Variants in DHX15 observed in about 807,000 individuals in gnomAD.
The protein encoded by DHX15 is DEAH-box helicase 15, also known as ATP-dependent RNA helicase DHX15.
In DHX15, 11 loss-of-function variants were observed where a neutral mutation model predicts 94.4. That is an observed-to-expected ratio of 0.12 (90% CI 0.07 to 0.19). The LOEUF is 0.19. Among genes scored for constraint, DHX15 ranks in the 10% least tolerant of loss-of-function variants. DHX15 has a pLI of 1.00. For missense variants in DHX15, 304 were observed against 988.5 expected, an observed-to-expected ratio of 0.31 and a Z score of 9.29; for synonymous variants, 338 against 329.9, an observed-to-expected ratio of 1.02 and a Z score of -0.27.
chr4:24,537,067 G>A lies in DHX15; in HGVS notation c.1893C>T (p.Tyr631=). Reference sequence around the variant, plus strand: ...TACACTTACTTTGTTTAAAAGCATGGTAGACGTTCAGCAGTGTCAGATGAT... The same window carrying A: ...TACACTTACTTTGTTTAAAAGCATGATAGACGTTCAGCAGTGTCAGATGAT... The part of the protein sequence containing the change: ...DGDHLTLLNV[Y]HAFKQNHESV... The change falls in exon 11 of 14, where the codon TAC becomes TAT. Residue 631 remains tyrosine, a synonymous_variant. Transcript: ENST00000336812. This position sits in a 1 kb window ranked among gnomAD's most constrained non-coding sequence, Gnocchi z 4.7. The A allele has an allele frequency of 6.2e-7, 1 of 1,613,642 alleles. No homozygotes were observed. The highest frequency in any genetic ancestry group is 1.1e-5 in the South Asian group (1 of 91,034).
At chr4:24,529,115 C>T (rs1274372086) in intron 13 of DHX15, among the ~76,000 whole-genome samples, 1 of 152,166 alleles carries the variant, frequency 6.6e-6, no homozygotes, top group Admixed American at 6.5e-5. Flanking sequence ...CCTCAAACTC[C>T]TGGGCTCAAG....
chr4:24,543,371 G>A (rs966221200), intron 6 of DHX15, among the ~76,000 whole-genome samples: 1 of 152,024 alleles, frequency 6.6e-6, no homozygotes, highest in African/African-American at 2.4e-5. Flanking sequence ...TGATAAAACA[G>A]CCCTTATAAT....
intron 11 of DHX15, chr4:24,533,427 G>C (rs938864921): frequency 3.8e-6 from 1 of 262,734 alleles, no homozygotes; most frequent in Admixed American, 4.7e-5. Context: ...TGAAACTACA[G>C]CTTTAGATTA....
chr4:24,547,683 G>A (rs989208179), intron 6 of DHX15, among the ~76,000 whole-genome samples: 2 of 151,730 alleles, frequency 1.3e-5, no homozygotes, highest in African/African-American at 4.8e-5. Context: ...GGGCGTAGTG[G>A]CTAATGCCTG....
In DHX15 at chr4:24,542,996, ACGTCTCTG is replaced by A; in HGVS notation, c.1271_1278del (p.Ala424ValfsTer12). 6.2e-7 allele frequency: 1 copy of A among 1,612,698 alleles called. No individual in the cohort carries two copies. Among genetic ancestry groups the A allele is most frequent in the Non-Finnish European group, 8.5e-7 (1 of 1,179,086 alleles). On this transcript the variant is annotated frameshift_variant, in exon 7 of 14. Coordinates refer to ENST00000336812, the MANE Select transcript of DHX15 (RefSeq NM_001358.3). LOFTEE classifies it high-confidence loss of function. ...AACACCACACCATCTATTGTCAAAGACGTCTCTGCTATGTTAGTTGACACAACTACCTG... is the reference window on the plus strand; with the variant it reads ...AACACCACACCATCTATTGTCAAAGACTATGTTAGTTGACACAACTACCTG...
At position 24,578,472 on chromosome 4, in the gene DHX15, A is replaced by G. The variant is rs562824019; in HGVS notation, c.72-1794T>C. ...ATCATACAGCTAGAAAAGAACTCTT[A>G]AAGAACATCTGGTCTGAACAAAAAG... On this transcript the variant is annotated intron_variant, in intron 1 of 13. Transcript: ENST00000336812. Among the ~76,000 whole-genome samples the G allele has an allele frequency of 3.5e-4, 54 of 152,364 alleles. 1 individual carries two copies. Among genetic ancestry groups the G allele is most frequent in the East Asian group, 5.8e-4 (3 of 5,188 alleles).
chr4:24,539,517 A>T (rs562920898), intron 10 of DHX15, among the ~76,000 whole-genome samples: 373 of 152,268 alleles, frequency 2.4e-3, no homozygotes, highest in African/African-American at 8.3e-3. Flanking sequence ...AAAATTAGCG[A>T]TTTTATATAT....
chr4:24,556,201 T>C, intron 4 of DHX15, 50 bp downstream of exon 4: 2 of 1,523,594 alleles, frequency 1.3e-6, no homozygotes, highest in Non-Finnish European at 1.8e-6. Context: ...CCCATTTTTA[T>C]GCCCACATAC....
intron 6 of DHX15, among the ~76,000 whole-genome samples, chr4:24,547,903 G>GTATATATATATATA (rs869194543): frequency 2.8e-5 from 2 of 70,750 alleles, no homozygotes; most frequent in African/African-American, 1.2e-4. Flanking sequence ...GTATGTATGT[G>GTATATATATATATA]TATATATATA....
chr4:24,582,397 TCGCACATACATATGG>T (rs1271943948), intron 1 of DHX15, among the ~76,000 whole-genome samples: 1 of 152,164 alleles, frequency 6.6e-6, no homozygotes, highest in Non-Finnish European at 1.5e-5. Flanking sequence ...AAGTAAACAA[TCGCACATACATATGG>T]TGGGACCACT....
chr4:24,578,438 AGATCATG>A (rs149615322), intron 1 of DHX15, among the ~76,000 whole-genome samples: 11,027 of 152,264 alleles, frequency 0.072, 414 homozygotes, highest in African/African-American at 0.098. Context: ...GACACCTTAA[AGATCATG>A]GATCATACAG....
chr4:24,541,331 C>T (rs532111974), intron 8 of DHX15, among the ~76,000 whole-genome samples: 1 of 151,978 alleles, frequency 6.6e-6, no homozygotes, highest in African/African-American at 2.4e-5. Flanking sequence ...CACTATACAC[C>T]CATTTGTCAC....
chr4:24,539,996 A>C, intron 10 of DHX15, 112 bp downstream of exon 10: 1 of 736,124 alleles, frequency 1.4e-6, no homozygotes, highest in Non-Finnish European at 2.1e-6. Context: ...TAATTCCTTA[A>C]AACCATCTAT....
At chr4:24,581,699 T>C (rs1428662694) in intron 1 of DHX15, among the ~76,000 whole-genome samples, 1 of 152,184 alleles carries the variant, frequency 6.6e-6, no homozygotes, top group Non-Finnish European at 1.5e-5. Flanking sequence ...AAAAAACTCT[T>C]ATCAGGTGGT....
rs553533985 is a variant in DHX15, at chr4:24,543,771, T to A, written c.1249-745A>T. ...GGACTTGGGAAATACATGTTACATA[T>A]AATTTTTTTTTAAACAATGGGAAAT... On this transcript the variant is annotated intron_variant, in intron 6 of 13. Coordinates refer to ENST00000336812, the MANE Select transcript of DHX15 (RefSeq NM_001358.3). Among the ~76,000 whole-genome samples, 23 of 152,290 alleles carry A rather than the reference T, an allele frequency of 1.5e-4. No individual in the cohort carries two copies. The South Asian group carries it at 3.1e-3, about 21-fold the overall frequency.
Position 24,527,958 on chromosome 4 carries a change from G to A in DHX15, c.2354C>T (p.Ala785Val), listed in dbSNP as rs755452081. The A allele has an allele frequency of 1.2e-6, 2 of 1,613,574 alleles. No homozygotes were observed. The highest frequency in any genetic ancestry group is 1.7e-6 in the Non-Finnish European group (2 of 1,179,676). ...TGAATATTCCTTGGATTGAAGTTTG[G>A]CAATGATGCGGTCCAACTGTCTCTT... ...EAKRQLDRII[A>V]KLQSKEYSQY Residue 785 changes from alanine to valine, a missense_variant, in exon 14 of 14, where the codon GCC (alanine) becomes GTC (valine). Coordinates refer to ENST00000336812, the MANE Select transcript of DHX15 (RefSeq NM_001358.3).
intron 3 of DHX15, among the ~76,000 whole-genome samples, chr4:24,569,197 C>T (rs1193738054): frequency 6.6e-6 from 1 of 151,998 alleles, no homozygotes; most frequent in East Asian, 1.9e-4. Flanking sequence ...AAGACTGCTT[C>T]GAAATAACAT....
rs376312942 is a variant in DHX15, at chr4:24,578,313, A to AAT, written c.72-1637_72-1636dup. 5.9e-5 allele frequency among the ~76,000 whole-genome samples: 9 copies of AAT among 152,334 alleles called. No individual in the cohort carries two copies. In the East Asian group the frequency reaches 1.7e-3, roughly 29 times the overall value. ...CTGCTTCTGGCCTAAGGTGACTGTT[A>AAT]ATTAAGTGTTTACATTGCTCCAAAA... On this transcript the variant is annotated intron_variant, in intron 1 of 13. Transcript: ENST00000336812.
chr4:24,547,885 CTCTCTATGTATG>C (rs1164188449), intron 6 of DHX15, among the ~76,000 whole-genome samples: 1 of 12,192 alleles, frequency 8.2e-5, no homozygotes, highest in South Asian at 2.6e-3. Context: ...CTCTCTCTCT[CTCTCTATGTATG>C]TATGTGTATA....
Sources: allele counts gnomAD v4.1 joint callset (sites outside exome capture counted in the v4.1 genomes callset), GRCh38; gene constraint gnomAD v4.1.1; non-coding constraint Gnocchi (gnomAD v3.1); transcripts MANE v1.5; gene names NCBI Gene and HGNC (gene_info 2026-07-23, HGNC 2026-07-21).